Variants in MMS19 observed in about 807,000 individuals in gnomAD.
The protein encoded by MMS19 is MMS19 nucleotide excision repair protein homolog.
Under a neutral mutation model 129.8 loss-of-function variants are expected in MMS19, and 77 were observed. The ratio of observed to expected loss-of-function variants is 0.59; its 90% CI spans 0.49 to 0.72. The LOEUF is 0.72. Among genes scored for constraint, MMS19 ranks in the 30% least tolerant of loss-of-function variants. The pLI, the probability that MMS19 is intolerant of heterozygous loss-of-function variation, is 0.00. For missense variants in MMS19, 1,168 were observed against 1,266.3 expected (o/e 0.92, Z 1.18); for synonymous variants, 491 against 502.8 (o/e 0.98, Z 0.31).
At chr10:97,489,697 T>C (rs1454532193) in intron 1 of MMS19, among the ~76,000 whole-genome samples, 1 of 152,242 alleles carries the variant, frequency 6.6e-6, no homozygotes, top group Admixed American at 6.5e-5. Context: ...TAGTCTCTCC[T>C]GGTCTGTGAA....
Position 97,477,427 on chromosome 10 carries a change from G to A in MMS19, c.424-11C>T. 4.3e-6 allele frequency: 7 copies of A among 1,613,916 alleles called. No individual in the cohort carries two copies. The South Asian group carries it at 5.5e-5, about 13-fold the overall frequency. ...CACCTGTGGCAGGGACTTGGGGGTG[G>A]GGGAGAAAGAAGTGAAGAAAATGCT... On this transcript the variant is annotated splice_polypyrimidine_tract_variant and intron_variant, in intron 5 of 30. Coordinates refer to ENST00000438925, the MANE Select transcript of MMS19 (RefSeq NM_022362.5).
intron 2 of MMS19, 110 bp downstream of exon 2, chr10:97,483,993 C>A: frequency 2.9e-6 from 2 of 700,588 alleles, no homozygotes; most frequent in Admixed American, 2.6e-5. Context: ...AAGGGGGCTG[C>A]TGGGCTACAA....
chr10:97,460,871 C>A, intron 24 of MMS19, 36 bp downstream of exon 24: 1 of 1,539,288 alleles, frequency 6.5e-7, no homozygotes, highest in African/African-American at 1.4e-5. Flanking sequence ...ACATAATTGC[C>A]TCTCTGGCTA....
rs1353889062 is a variant in MMS19 at position 97,482,735 on chromosome 10, TATACACACACACAC to T, written c.161+1354_161+1367del. Among the ~76,000 whole-genome samples, 11 of 137,864 alleles carry T rather than the reference TATACACACACACAC, an allele frequency of 8.0e-5. No homozygotes were observed. The South Asian group carries it at 9.4e-4, about 12-fold the overall frequency. The allele number at this position is 137,864 out of a possible 152,430, so 90.4% of individuals were successfully genotyped here. A position where few individuals can be genotyped will look rare whatever the true frequency, so the allele number is the denominator to read the frequency against. On this transcript the variant is annotated intron_variant, in intron 2 of 30. Coordinates refer to ENST00000438925, the MANE Select transcript of MMS19 (RefSeq NM_022362.5). ...GTGTGTGTGTGTGTGTGTGTATATA[TATACACACACACAC>T]ACACACACACACACACACATATATT...
At chr10:97,470,978 G>GT in intron 8 of MMS19, 117 bp from the exon 9 acceptor site, 1 of 630,440 alleles carries the variant, frequency 1.6e-6, no homozygotes, top group East Asian at 3.3e-5. Context: ...AGGGAAGATA[G>GT]TAAGATAATG....
At chr10:97,463,502 G>A (rs1453777432) in intron 19 of MMS19, among the ~76,000 whole-genome samples, 10 of 152,240 alleles carry the variant, frequency 6.6e-5, no homozygotes, top group Non-Finnish European at 1.5e-4. Flanking sequence ...GGAAATTGAA[G>A]CGTGGAAAGG....
intron 10 of MMS19, 80 bp from the exon 11 acceptor site, chr10:97,469,803 C>G (rs919151764): frequency 3.3e-6 from 4 of 1,214,610 alleles, no homozygotes; most frequent in Non-Finnish European, 4.8e-6. Flanking sequence ...ATAATGGCAC[C>G]TGAAGGAGCC....
In MMS19 at chr10:97,460,941, G is replaced by GGCCCAGA; in HGVS notation, c.2371_2377dup (p.Pro793LeufsTer6). On this transcript the variant is annotated frameshift_variant, in exon 24 of 31. Transcript: ENST00000438925. LOFTEE classifies it high-confidence loss of function. ...AAGAGTGAAGGCCTGACTACGACAG[G>GGCCCAGA]GCCCAGAGCCCAGGCCAGCCTCCAC... is the stretch of plus-strand genomic sequence containing the variant. 1.9e-6 allele frequency: 3 copies of GGCCCAGA among 1,582,874 alleles called. No individual in the cohort carries two copies. Among genetic ancestry groups the GGCCCAGA allele is most frequent in the South Asian group, 2.3e-5 (2 of 86,680 alleles).
At position 97,467,516 on chromosome 10, in the gene MMS19, T is replaced by C. The variant is rs377636828; in HGVS notation, c.1286A>G (p.Tyr429Cys). The C allele has an allele frequency of 5.0e-5, 80 of 1,613,764 alleles. No individual in the cohort carries two copies. The African/African-American group carries it at 9.1e-4, about 18-fold the overall frequency. ...GAAGGCAACCTCACCTTTGTCTTCA[T>C]AGCTCCATTTCTGCTGCAGCTTCAA... ...GFLKLQQKWS[Y>C]EDKDQRPLNG... Residue 429 changes from tyrosine (Y) to cysteine (C), a missense_variant, in exon 14 of 31, where the codon TAT becomes TGT. Tyr to Cys is a radical substitution (Grantham distance 194). Transcript: ENST00000438925.
chr10:97,482,722 GTGTGTGTATA>G (rs1352207128), intron 2 of MMS19, among the ~76,000 whole-genome samples: 8 of 109,466 alleles, frequency 7.3e-5, no homozygotes, highest in African/African-American at 2.4e-4. Flanking sequence ...GTGTGTGTGT[GTGTGTGTATA>G]TATATACACA....
chr10:97,461,738 G>C (rs1435374260), intron 22 of MMS19, 90 bp downstream of exon 22: 2 of 1,544,172 alleles, frequency 1.3e-6, no homozygotes, highest in African/African-American at 2.7e-5. Context: ...GGTGGGGGAA[G>C]TAAAAGATCA....
chr10:97,498,184 C>T, intron 1 of MMS19, 89 bp downstream of exon 1: 1 of 1,273,868 alleles, frequency 7.9e-7, no homozygotes, highest in Non-Finnish European at 1.1e-6. Flanking sequence ...AAAGTCACCC[C>T]GCTCCTCCCT....
At chr10:97,478,821 G>A (rs2036227484) in intron 3 of MMS19, among the ~76,000 whole-genome samples, 1 of 152,104 alleles carries the variant, frequency 6.6e-6, no homozygotes, top group Non-Finnish European at 1.5e-5. Context: ...AAAAACAGGT[G>A]TATGATGTGT....
intron 1 of MMS19, among the ~76,000 whole-genome samples, chr10:97,488,341 A>G (rs1278327989): frequency 6.6e-6 from 1 of 152,204 alleles, no homozygotes; most frequent in African/African-American, 2.4e-5. Context: ...TGTAGGTAGG[A>G]TTATAAACTG....
chr10:97,478,952 G>A (rs935151700), intron 3 of MMS19, among the ~76,000 whole-genome samples: 2 of 152,052 alleles, frequency 1.3e-5, no homozygotes, highest in Non-Finnish European at 1.5e-5. Flanking sequence ...TGTAGGTTGG[G>A]CATGTGGTGC....
rs767199391 is a variant in MMS19, at chr10:97,465,968, A to G, written c.1607-14T>C. ...AATTTGACTCCCCTGAAAGCAACCC[A>G]TGAGACAAAGGTTTACTGTGTGATA... On this transcript the variant is annotated splice_polypyrimidine_tract_variant and intron_variant, in intron 17 of 30. Coordinates refer to ENST00000438925, the MANE Select transcript of MMS19 (RefSeq NM_022362.5). The G allele has an allele frequency of 5.1e-5, 83 of 1,613,536 alleles. No individual in the cohort carries two copies. Among genetic ancestry groups the G allele is most frequent in the Non-Finnish European group, 4.7e-5 (56 of 1,179,690 alleles).
intron 2 of MMS19, among the ~76,000 whole-genome samples, chr10:97,481,393 G>C (rs577916942): frequency 6.6e-6 from 1 of 152,222 alleles, no homozygotes; most frequent in East Asian, 1.9e-4. Context: ...CTGAAATACA[G>C]CTTAGCAGCT....
chr10:97,471,450 T>G, intron 8 of MMS19, among the ~76,000 whole-genome samples: 1 of 152,094 alleles, frequency 6.6e-6, no homozygotes, highest in East Asian at 1.9e-4. Context: ...ATATATCAGG[T>G]TTTCCTTTTC....
Position 97,477,867 on chromosome 10 carries a change from T to C in MMS19, c.411A>G (p.Glu137=). ...TGTTATCCCTCACCTGTACATGCAC[T>C]TCCTGGAAGATGGCTTTAAGCACAG... is the stretch of plus-strand genomic sequence containing the variant. ...AVSVLKAIFQ[E]VHVQSLPQVD... Residue 137 remains glutamate (E), a synonymous_variant, in exon 5 of 31, where the codon GAA becomes GAG. Transcript: ENST00000438925. 6.2e-7 allele frequency: 1 copy of C among 1,608,718 alleles called. No individual in the cohort carries two copies. The highest frequency in any genetic ancestry group is 8.5e-7 in the Non-Finnish European group (1 of 1,177,616).
Sources: allele counts gnomAD v4.1 joint callset (sites outside exome capture counted in the v4.1 genomes callset), GRCh38; gene constraint gnomAD v4.1.1; transcripts MANE v1.5; gene names NCBI Gene and HGNC (gene_info 2026-07-23, HGNC 2026-07-21).